Variants in ARFIP1 observed in about 807,000 individuals in gnomAD.
The protein encoded by ARFIP1 is ARF interacting protein 1, also known as arfaptin-1.
ARFIP1 carries 24 observed loss-of-function variants against 42.5 expected under a neutral mutation model. That is an observed-to-expected ratio of 0.57 (90% CI 0.41 to 0.80). The LOEUF (loss-of-function observed/expected upper bound fraction) is 0.80, where lower values mean the gene tolerates loss of function less well. ARFIP1 is among the 30% of genes least tolerant of loss of function. The pLI, the probability that ARFIP1 is intolerant of heterozygous loss-of-function variation, is 0.00. For synonymous variants in ARFIP1, 141 were observed against 153.7 expected (o/e 0.92, Z 0.61); for missense variants, 354 against 434.0 (o/e 0.82, Z 1.64).
chr4:152,850,224 T>C (rs9993949), intron 2 of ARFIP1, among the ~76,000 whole-genome samples: 26,605 of 152,120 alleles, frequency 0.17, 2,475 homozygotes, highest in African/African-American at 0.23. Flanking sequence ...ATAACATTAG[T>C]GGACTGTATT....
intron 1 of ARFIP1, among the ~76,000 whole-genome samples, chr4:152,792,588 T>A (rs1731204008): frequency 6.6e-6 from 1 of 152,188 alleles, no homozygotes; most frequent in African/African-American, 2.4e-5. Flanking sequence ...AGATCCTTTA[T>A]CATTAGACTT....
chr4:152,800,537 A>G (rs569885385), intron 1 of ARFIP1, among the ~76,000 whole-genome samples: 34 of 152,198 alleles, frequency 2.2e-4, no homozygotes, highest in Admixed American at 6.5e-4. Flanking sequence ...TGGGGAAACA[A>G]GCAAATTAGG....
At chr4:152,849,999 G>A (rs1732854647) in intron 2 of ARFIP1, among the ~76,000 whole-genome samples, 1 of 151,946 alleles carries the variant, frequency 6.6e-6, no homozygotes. Context: ...ACACTTTTTT[G>A]GCATGTTGTC....
chr4:152,833,366 A>T (rs144584539), intron 2 of ARFIP1, among the ~76,000 whole-genome samples: 2 of 152,178 alleles, frequency 1.3e-5, no homozygotes, highest in Admixed American at 1.3e-4. Context: ...TAGGATGACT[A>T]TTATCAAAAA....
intron 1 of ARFIP1, among the ~76,000 whole-genome samples, chr4:152,817,148 A>T (rs559044466): frequency 2.0e-5 from 3 of 152,222 alleles, no homozygotes; most frequent in African/African-American, 4.8e-5. Flanking sequence ...ATGAAGTAGA[A>T]CATAATAGCG....
intron 8 of ARFIP1, among the ~76,000 whole-genome samples, chr4:152,889,692 G>T (rs1177554036): frequency 8.3e-6 from 1 of 119,980 alleles, no homozygotes; most frequent in Non-Finnish European, 1.7e-5. Flanking sequence ...ATATATATAT[G>T]CACTATATAT....
In ARFIP1 at chr4:152,799,572, G is replaced by A. The variant is rs116408387; in HGVS notation, c.-10+19346G>A. 8.1e-3 allele frequency among the ~76,000 whole-genome samples: 1,240 copies of A among 152,306 alleles called. 15 individuals are homozygous for A. Among genetic ancestry groups the A allele is most frequent in the African/African-American group, 0.027 (1,138 of 41,552 alleles). On this transcript the variant is annotated intron_variant, in intron 1 of 8. Transcript: ENST00000353617. Reference sequence around the variant, plus strand: ...TCTTTGCACAATATGTATTCCTTGCGGGGGATTCAGGGTTCCTTGTGATTT... The same window carrying A: ...TCTTTGCACAATATGTATTCCTTGCAGGGGATTCAGGGTTCCTTGTGATTT...
intron 6 of ARFIP1, 71 bp from the exon 7 acceptor site, chr4:152,882,652 C>T (rs1002008088): frequency 3.4e-5 from 48 of 1,416,018 alleles, no homozygotes; most frequent in African/African-American, 1.0e-4. Context: ...CCATTAGTGA[C>T]GTGCTTGAGA....
rs1731114632 is a variant in ARFIP1, at chr4:152,829,644, A to G, written c.11A>G (p.Glu4Gly). 2 of 1,611,986 alleles carry G rather than the reference A, an allele frequency of 1.2e-6. No individual in the cohort carries two copies. Among genetic ancestry groups the G allele is most frequent in the East Asian group, 4.5e-5 (2 of 44,792 alleles). ...TTTTAGGAGTCTACCATGGCTCAAG[A>G]ATCTCCCAAAAATTCAGCAGCAGAA... MAQ[E>G]SPKNSAAEIP... Residue 4 changes from glutamate (E) to glycine (G), a missense_variant, in exon 2 of 9, where the codon GAA (glutamate) becomes GGA (glycine). Coordinates refer to ENST00000353617, the MANE Select transcript of ARFIP1 (RefSeq NM_001025595.3).
At chr4:152,872,710 G>C (rs991031612) in intron 5 of ARFIP1, 146 bp downstream of exon 5, 3 of 507,178 alleles carry the variant, frequency 5.9e-6, no homozygotes, top group Non-Finnish European at 1.0e-5. Flanking sequence ...TGAAAATGAA[G>C]TATTTGTTTT....
At chr4:152,815,529 A>G (rs1328809846) in intron 1 of ARFIP1, among the ~76,000 whole-genome samples, 1 of 152,110 alleles carries the variant, frequency 6.6e-6, no homozygotes, top group Non-Finnish European at 1.5e-5. Flanking sequence ...AGGCTTGTAA[A>G]CTTTGATATG....
intron 1 of ARFIP1, among the ~76,000 whole-genome samples, chr4:152,813,226 C>T (rs779886911): frequency 6.1e-4 from 93 of 152,068 alleles, no homozygotes; most frequent in Non-Finnish European, 2.5e-4. Flanking sequence ...GGAGGATATG[C>T]ATAGGTTATA....
At chr4:152,900,233 A>C (rs1364241532) in intron 8 of ARFIP1, among the ~76,000 whole-genome samples, 1 of 152,080 alleles carries the variant, frequency 6.6e-6, no homozygotes, top group East Asian at 1.9e-4. Flanking sequence ...AAGGCGAAAG[A>C]CTTTTTTTGC....
chr4:152,822,769 C>A (rs547732246), intron 1 of ARFIP1, among the ~76,000 whole-genome samples: 1 of 152,204 alleles, frequency 6.6e-6, no homozygotes, highest in South Asian at 2.1e-4. Flanking sequence ...AACCCAAAAC[C>A]ATACATAGAC....
chr4:152,839,397 ATCTC>A (rs1731889327), intron 2 of ARFIP1, among the ~76,000 whole-genome samples: 1 of 151,944 alleles, frequency 6.6e-6, no homozygotes, highest in Non-Finnish European at 1.5e-5. Flanking sequence ...TCTGCTGTGA[ATCTC>A]TCTGGTCCTG....
intron 2 of ARFIP1, among the ~76,000 whole-genome samples, chr4:152,848,658 G>A (rs1732753383): frequency 6.8e-6 from 1 of 146,130 alleles, no homozygotes. Context: ...GTCACATGTT[G>A]TAACTTATTT....
chr4:152,896,941 C>T (rs1353361079), intron 8 of ARFIP1, among the ~76,000 whole-genome samples: 1 of 152,132 alleles, frequency 6.6e-6, no homozygotes. Context: ...TCTGTTGCAA[C>T]ATCATTCTTA....
chr4:152,888,056 A>G (rs909372987), intron 7 of ARFIP1, 77 bp from the exon 8 acceptor site: 1 of 1,134,236 alleles, frequency 8.8e-7, no homozygotes, highest in Non-Finnish European at 1.3e-6. Flanking sequence ...GAGACTGAAT[A>G]TTACGTATTT....
chr4:152,864,913 CTTT>C (rs34123163), intron 3 of ARFIP1, among the ~76,000 whole-genome samples: 2,412 of 112,394 alleles, frequency 0.021, 16 homozygotes, highest in Middle Eastern at 0.045. Context: ...CTTTTTTAAA[CTTT>C]TTTTTTTTTT....
Sources: gnomAD v4.1 joint callset for allele counts (sites outside exome capture counted in the v4.1 genomes callset) on GRCh38, gnomAD v4.1.1 for gene constraint, MANE v1.5 for transcripts, NCBI Gene and HGNC (gene_info 2026-07-23, HGNC 2026-07-21) for gene names.